Variants in PACRGL observed in about 807,000 individuals in gnomAD.
PACRGL encodes the protein parkin coregulated like.
A neutral mutation model predicts 34.5 loss-of-function variants in PACRGL; 38 were observed. The ratio of observed to expected loss-of-function variants is 1.10; its 90% CI spans 0.85 to 1.44. The LOEUF is 1.44. PACRGL is among the 40% of genes most tolerant of loss of function. The probability of loss-of-function intolerance (pLI) is 0.00; values close to 1 mark genes in which losing one functional copy is unlikely to be tolerated. For missense variants in PACRGL, 305 were observed against 281.4 expected (o/e 1.08, Z -0.60); for synonymous variants, 128 against 100.1 (o/e 1.28, Z -1.66).
chr4:20,703,611 AAAG>A (rs1733273028), intron 1 of PACRGL, among the ~76,000 whole-genome samples: 1 of 152,022 alleles, frequency 6.6e-6, no homozygotes, highest in Non-Finnish European at 1.5e-5. Flanking sequence ...TAGCAGAAAA[AAAG>A]CAACTGTGTA....
At chr4:20,749,712 A>G in intron 8 of PACRGL, 1 of 1,608,986 alleles carries the variant, frequency 6.2e-7, no homozygotes, top group Non-Finnish European at 8.5e-7. Flanking sequence ...TTGAACAGAA[A>G]ATGTGCATAT....
rs78252462 is a variant in PACRGL at position 20,711,409 on chromosome 4, C to T, written c.367-1379C>T. Among the ~76,000 whole-genome samples the T allele has an allele frequency of 3.9e-3, 596 of 152,306 alleles. 6 individuals carry two copies. The highest frequency in any genetic ancestry group is 0.013 in the African/African-American group (559 of 41,568). The stretch of plus-strand genomic sequence containing the variant: ...GTGACAGAAGAACCACTGCTGAAAT[C>T]CACTTCAGCTTTTAATCTGAGAGTT... On this transcript the variant is annotated intron_variant, in intron 5 of 8. Transcript: ENST00000503585.
rs180878030 is a variant in PACRGL, at chr4:20,729,848, A to G, written c.*2507A>G. The G allele has an allele frequency of 1.3e-3, 507 of 399,312 alleles. 2 individuals are homozygous for G. The highest frequency in any genetic ancestry group is 9.2e-3 in the African/African-American group (445 of 48,538). The allele number at this position is 399,312 out of a possible 1,614,324, so 24.7% of individuals were successfully genotyped here. On this transcript the variant is annotated 3_prime_UTR_variant, in exon 9 of 9. Transcript: ENST00000503585. ...GATTCTATTACTTTTGAATATTCAC[A>G]GAGTATGAAATGAGTTAGACCATCC...
intron 5 of PACRGL, among the ~76,000 whole-genome samples, chr4:20,711,741 G>A (rs1342249196): frequency 6.6e-6 from 1 of 152,026 alleles, no homozygotes; most frequent in Non-Finnish European, 1.5e-5. Flanking sequence ...ACTATGATTG[G>A]TTAAATCATA....
chr4:20,754,932 G>A (rs1244287097), downstream of PACRGL, among the ~76,000 whole-genome samples: 2 of 152,086 alleles, frequency 1.3e-5, no homozygotes, highest in African/African-American at 4.8e-5. Context: ...TAAGATGTTG[G>A]TAGGCACTCA....
Position 20,729,428 on chromosome 4 carries a change from T to TAAAATAAGTTTTA in PACRGL, c.*2088_*2100dup, listed in dbSNP as rs1260081902. 3 of 152,278 alleles carry TAAAATAAGTTTTA rather than the reference T, an allele frequency of 2.0e-5. No homozygotes were observed. The East Asian group carries it at 5.8e-4, about 30-fold the overall frequency. The allele number at this position is 152,278 out of a possible 1,614,324, so 9.4% of individuals were successfully genotyped here. A position where few individuals can be genotyped will look rare whatever the true frequency, so the allele number is the denominator to read the frequency against. On this transcript the variant is annotated 3_prime_UTR_variant, in exon 9 of 9. Transcript: ENST00000503585. ...ATATTATGGAAAATTAAATGCTTAT[T>TAAAATAAGTTTTA]AAAATAAGTTTTATTAGGCATATGC...
rs1016981052 is a variant in PACRGL, at chr4:20,720,732, G to A, written c.610-4076G>A. On this transcript the variant is annotated intron_variant, in intron 7 of 8. Coordinates refer to ENST00000503585, the MANE Select transcript of PACRGL (RefSeq NM_001258345.3). ...TGGGCTTCCCTTTGTGGGTAACCCA[G>A]CCTTTCCTTCTGGCTGCCCTTAATA... 3.9e-5 allele frequency among the ~76,000 whole-genome samples: 6 copies of A among 152,098 alleles called. No individual in the cohort carries two copies. In the East Asian group the frequency reaches 9.7e-4, roughly 25 times the overall value.
Position 20,707,820 on chromosome 4 carries a change from A to G in PACRGL, c.225A>G (p.Arg75=), listed in dbSNP as rs201625954. 2 of 1,613,786 alleles carry G rather than the reference A, an allele frequency of 1.2e-6. No homozygotes were observed. The highest frequency in any genetic ancestry group is 1.3e-5 in the African/African-American group (1 of 75,058). Residue 75 remains arginine (R), a synonymous_variant, in exon 4 of 9, where the codon CGA becomes CGG. Transcript: ENST00000503585. The part of the protein sequence containing the change: ...KTINPFGEQS[R]VPSAFAAIYS... ...TATTTTAGTTTGGTGAACAGTCACG[A>G]GTGCCTTCTGCATTTGCAGCTATTT...
At chr4:20,709,344 C>G (rs1246558259) in intron 4 of PACRGL, among the ~76,000 whole-genome samples, 2 of 152,104 alleles carry the variant, frequency 1.3e-5, no homozygotes, top group Non-Finnish European at 2.9e-5. Flanking sequence ...TTAATAATTA[C>G]TATGTTTTGT....
At chr4:20,699,159 A>G (rs1731439417), upstream of PACRGL, among the ~76,000 whole-genome samples, 1 of 152,220 alleles carries the variant, frequency 6.6e-6, no homozygotes, top group Non-Finnish European at 1.5e-5. Flanking sequence ...AAATATAATA[A>G]GTCTTGAGGA....
chr4:20,735,341 A>T (rs1749320952), downstream of PACRGL, among the ~76,000 whole-genome samples: 1 of 152,080 alleles, frequency 6.6e-6, no homozygotes, highest in Non-Finnish European at 1.5e-5. Context: ...AATGGAGCTA[A>T]TAATAGTATC....
At chr4:20,758,021 T>C in the PACRGL span, among the ~76,000 whole-genome samples, 1 of 152,180 alleles carries the variant, frequency 6.6e-6, no homozygotes, top group South Asian at 2.1e-4. Context: ...ACACTAGGTA[T>C]AACATTCTTT....
intron 8 of PACRGL, among the ~76,000 whole-genome samples, chr4:20,751,318 G>A (rs1230715419): frequency 6.6e-6 from 1 of 152,122 alleles, no homozygotes; most frequent in African/African-American, 2.4e-5. Context: ...TACATTGCAG[G>A]AAGAAATTCT....
chr4:20,730,735 A>C lies in PACRGL; in HGVS notation c.*3394A>C, dbSNP rs774506480. On this transcript the variant is annotated 3_prime_UTR_variant, in exon 9 of 9. Transcript: ENST00000503585. ...AATTGGGGAGCAGAAACCACTGCTC[A>C]GTGGCTGTGTTCAGTTTAGCATATT... Among the ~76,000 whole-genome samples the C allele has an allele frequency of 6.6e-6, 1 of 152,204 alleles. No individual in the cohort carries two copies. The highest frequency in any genetic ancestry group is 2.1e-4 in the South Asian group (1 of 4,834).
chr4:20,721,967 C>T (rs1271180776), intron 7 of PACRGL, among the ~76,000 whole-genome samples: 1 of 152,226 alleles, frequency 6.6e-6, no homozygotes, highest in African/African-American at 2.4e-5. Context: ...CTGTGGTGGG[C>T]TCCACCCAGT....
the PACRGL span, among the ~76,000 whole-genome samples, chr4:20,759,802 C>T: frequency 6.6e-6 from 1 of 152,034 alleles, no homozygotes; most frequent in Non-Finnish European, 1.5e-5. Context: ...CGTAGAGGCC[C>T]CTTGAGTGGT....
At chr4:20,756,733 G>C (rs1242318147), downstream of PACRGL, among the ~76,000 whole-genome samples, 1 of 151,980 alleles carries the variant, frequency 6.6e-6, no homozygotes, top group African/African-American at 2.4e-5. Context: ...ATCCCAAAGA[G>C]ACCTTCTGAT....
intron 8 of PACRGL, among the ~76,000 whole-genome samples, chr4:20,725,723 G>C (rs530307677): frequency 1.3e-5 from 2 of 151,952 alleles, no homozygotes. Flanking sequence ...AAGCTTTAGC[G>C]AAATACCTCA....
chr4:20,698,747 T>G (rs1301461089), upstream of PACRGL, among the ~76,000 whole-genome samples: 1 of 152,234 alleles, frequency 6.6e-6, no homozygotes, highest in Non-Finnish European at 1.5e-5. Context: ...GAAAAATCCG[T>G]GTCATCGTCC....
Sources: allele counts gnomAD v4.1 joint callset (sites outside exome capture counted in the v4.1 genomes callset), GRCh38; gene constraint gnomAD v4.1.1; transcripts MANE v1.5; gene names NCBI Gene and HGNC (gene_info 2026-07-23, HGNC 2026-07-21).